The following ANKHD1 variants were observed in gnomAD, a reference collection of about 807,000 sequenced individuals.
The protein encoded by ANKHD1 is ankyrin repeat and KH domain containing 1.
A neutral mutation model predicts 230.5 loss-of-function variants in ANKHD1; 31 were observed. That is an observed-to-expected ratio of 0.13 (90% CI 0.10 to 0.18). The LOEUF is 0.18. Ranked by LOEUF, ANKHD1 falls within the 10% of genes least tolerant of loss-of-function variation. The pLI is 1.00. For synonymous variants in ANKHD1, 1,074 were observed against 1,117.6 expected (o/e 0.96, Z 0.78); for missense variants, 2,256 against 3,071.3 (o/e 0.73, Z 6.27).
intron 1 of ANKHD1, among the ~76,000 whole-genome samples, chr5:140,423,042 G>A (rs1012242068): frequency 2.6e-5 from 4 of 151,156 alleles, no homozygotes; most frequent in African/African-American, 2.4e-5. Flanking sequence ...ACAGGCATCC[G>A]CAGCCACACT....
intron 7 of ANKHD1, among the ~76,000 whole-genome samples, chr5:140,454,410 T>C (rs1775000038): frequency 6.6e-6 from 1 of 152,194 alleles, no homozygotes; most frequent in Non-Finnish European, 1.5e-5. Context: ...AGAATATACA[T>C]TCTTCTCAGC....
At chr5:140,536,762 G>A (rs762092970) in intron 30 of ANKHD1, among the ~76,000 whole-genome samples, 9 of 152,098 alleles carry the variant, frequency 5.9e-5, no homozygotes, top group Admixed American at 2.6e-4. Context: ...GGTGGCTCAC[G>A]TCTGTAATCC....
intron 1 of ANKHD1, among the ~76,000 whole-genome samples, chr5:140,430,520 T>A (rs75040007): frequency 0.031 from 4,743 of 152,278 alleles, 269 homozygotes; most frequent in African/African-American, 0.11. Context: ...CATACTATTA[T>A]TTTGGGCTTA....
intron 1 of ANKHD1, among the ~76,000 whole-genome samples, chr5:140,425,406 A>G (rs1404367754): frequency 6.6e-6 from 1 of 152,096 alleles, no homozygotes; most frequent in Non-Finnish European, 1.5e-5. Flanking sequence ...GACTATAGGT[A>G]TGCACCACCA....
chr5:140,511,501 GTCCC>G (rs1161189370), intron 22 of ANKHD1, among the ~76,000 whole-genome samples: 2 of 152,064 alleles, frequency 1.3e-5, no homozygotes, highest in Non-Finnish European at 2.9e-5. Context: ...TCTGAAAAAG[GTCCC>G]TCTGTTTCTC....
At chr5:140,489,650 C>G (rs1751681695) in intron 14 of ANKHD1, among the ~76,000 whole-genome samples, 1 of 152,102 alleles carries the variant, frequency 6.6e-6, no homozygotes, top group Non-Finnish European at 1.5e-5. Flanking sequence ...TAGTGAGTAA[C>G]CATATTTTTG....
intron 7 of ANKHD1, among the ~76,000 whole-genome samples, chr5:140,454,699 A>T (rs1236552614): frequency 6.6e-6 from 1 of 152,248 alleles, no homozygotes; most frequent in Non-Finnish European, 1.5e-5. Flanking sequence ...AATCTCTGGG[A>T]CACATTTAAA....
rs117905841 is a variant in ANKHD1 at position 140,444,316 on chromosome 5, T to C, written c.914-1426T>C. Among the ~76,000 whole-genome samples the C allele has an allele frequency of 6.0e-4, 91 of 152,338 alleles. 1 individual carries two copies. In the East Asian group the frequency reaches 0.015, roughly 25 times the overall value. On this transcript the variant is annotated intron_variant, in intron 5 of 33. Transcript: ENST00000360839. ...ATTTCCAGAAGGAAATTGCATCATC[T>C]TCTCACCAATAATTTCTAGTCAAGT... is the stretch of plus-strand genomic sequence containing the variant.
At chr5:140,470,611 C>CTTTGTTTTTTTT (rs1776419998) in intron 10 of ANKHD1, among the ~76,000 whole-genome samples, 1 of 71,770 alleles carries the variant, frequency 1.4e-5, no homozygotes, top group Non-Finnish European at 2.6e-5. Context: ...CTTGTTTCTG[C>CTTTGTTTTTTTT]TTTTTTTTTT....
At chr5:140,476,478 A>C (rs1248056181) in intron 10 of ANKHD1, among the ~76,000 whole-genome samples, 5 of 152,056 alleles carry the variant, frequency 3.3e-5, no homozygotes, top group Admixed American at 3.3e-4. Context: ...CATTACCTAC[A>C]AAAAAACAAC....
At chr5:140,529,858 G>A (rs1753736458) in intron 29 of ANKHD1, 62 bp downstream of exon 29, 2 of 1,560,230 alleles carry the variant, frequency 1.3e-6, no homozygotes, top group African/African-American at 1.4e-5. Context: ...CTCACCTTAA[G>A]TGGACAAAAA....
chr5:140,471,452 A>G (rs995290417), intron 10 of ANKHD1, among the ~76,000 whole-genome samples: 23 of 152,170 alleles, frequency 1.5e-4, no homozygotes, highest in Admixed American at 1.4e-3. Flanking sequence ...GGCAGGGAAG[A>G]GGAAGTGAGC....
At chr5:140,520,160 CA>C (rs1297009799) in intron 24 of ANKHD1, among the ~76,000 whole-genome samples, 1 of 151,920 alleles carries the variant, frequency 6.6e-6, no homozygotes, top group Non-Finnish European at 1.5e-5. Context: ...TTTATGCAGC[CA>C]AAAAACACAT....
At chr5:140,477,008 C>T (rs1751007254) in intron 10 of ANKHD1, among the ~76,000 whole-genome samples, 2 of 151,950 alleles carry the variant, frequency 1.3e-5, no homozygotes. Flanking sequence ...AGCTATTACA[C>T]TCAATTGTTA....
intron 1 of ANKHD1, among the ~76,000 whole-genome samples, chr5:140,407,842 TTGTG>T (rs1177348818): frequency 1.3e-5 from 2 of 151,954 alleles, no homozygotes; most frequent in Non-Finnish European, 2.9e-5. Flanking sequence ...ATATGTGTGT[TTGTG>T]TGTGTATGTG....
chr5:140,538,585 T>C (rs888094431), intron 32 of ANKHD1, among the ~76,000 whole-genome samples: 1 of 152,254 alleles, frequency 6.6e-6, no homozygotes, highest in African/African-American at 2.4e-5. Context: ...ATGTCGGCAA[T>C]CAATTATGTA....
intron 5 of ANKHD1, among the ~76,000 whole-genome samples, chr5:140,443,278 G>T (rs781345742): frequency 1.3e-5 from 2 of 152,088 alleles, no homozygotes; most frequent in Non-Finnish European, 2.9e-5. Context: ...ACAAATTTTA[G>T]GGGCAGAGGG....
Position 140,536,374 on chromosome 5 carries a change from G to A in ANKHD1, c.7027+836G>A, listed in dbSNP as rs546629060. The stretch of plus-strand genomic sequence containing the variant: ...CTCCCAAAGTGCTGGGATTACAGGC[G>A]TGAGCCACCTGCCTGACCCCTTTGT... On this transcript the variant is annotated intron_variant, in intron 30 of 33. Coordinates refer to ENST00000360839, the MANE Select transcript of ANKHD1 (RefSeq NM_017747.3). Among the ~76,000 whole-genome samples the A allele has an allele frequency of 6.6e-5, 10 of 152,338 alleles. No individual in the cohort carries two copies. The South Asian group carries it at 8.3e-4, about 13-fold the overall frequency.
Position 140,507,104 on chromosome 5 carries a change from T to C in ANKHD1, c.3551+127T>C. The C allele has an allele frequency of 7.5e-7, 1 of 1,340,900 alleles. No individual in the cohort carries two copies. The highest frequency in any genetic ancestry group is 1.0e-6 in the Non-Finnish European group (1 of 996,248). 83.1% of individuals were successfully genotyped at this position (1,340,900 alleles called of 1,614,324 possible). ...GTACTAAAGTTGCAAAGCCAACGAT[T>C]ATACCTATAATGTGTTTGTTTATAA... On this transcript the variant is annotated intron_variant, in intron 19 of 33. Coordinates refer to ENST00000360839, the MANE Select transcript of ANKHD1 (RefSeq NM_017747.3). This position sits in a 1 kb window ranked among gnomAD's most constrained non-coding sequence, Gnocchi z 4.1.
Sources: gnomAD v4.1 joint callset for allele counts (sites outside exome capture counted in the v4.1 genomes callset) on GRCh38, gnomAD v4.1.1 for gene constraint, Gnocchi (gnomAD v3.1) non-coding constraint, MANE v1.5 for transcripts, NCBI Gene and HGNC (gene_info 2026-07-23, HGNC 2026-07-21) for gene names.